The following DLG2 variants were observed in gnomAD, a reference collection of about 807,000 sequenced individuals.
DLG2 encodes discs large MAGUK scaffold protein 2.
DLG2 carries 45 observed loss-of-function variants against 132.5 expected under a neutral mutation model. The ratio of observed to expected loss-of-function variants is 0.34; its 90% CI spans 0.27 to 0.44. The LOEUF (loss-of-function observed/expected upper bound fraction) is 0.44, where lower values mean the gene tolerates loss of function less well. DLG2 is among the 20% of genes least tolerant of loss of function. The pLI is 1.00. For missense variants in DLG2, 1,045 were observed against 1,196.9 expected (o/e 0.87, Z 1.87); for synonymous variants, 424 against 419.6 (o/e 1.01, Z -0.13).
rs1215742276 is a variant in DLG2, at chr11:83,787,321, TTG to T, written c.1723-531_1723-530del. On this transcript the variant is annotated intron_variant, in intron 17 of 27. Transcript: ENST00000376104. ...GACAGCCTTAAGCCTTGTTTTTTTT[TTG>T]TTTTTTTTTTTTTTTTTAGACAGAG... is the stretch of plus-strand genomic sequence containing the variant. 5.5e-4 allele frequency among the ~76,000 whole-genome samples: 52 copies of T among 93,718 alleles called. 12 individuals carry two copies. Among genetic ancestry groups the T allele is most frequent in the African/African-American group, 7.1e-4 (12 of 16,990 alleles). 61.5% of individuals were successfully genotyped at this position (93,718 alleles called of 152,430 possible).
intron 3 of DLG2, among the ~76,000 whole-genome samples, chr11:85,391,258 A>G (rs1420569284): frequency 6.6e-6 from 1 of 152,120 alleles, no homozygotes; most frequent in Non-Finnish European, 1.5e-5. Flanking sequence ...GAAACTCTGA[A>G]CAGGCCAATA....
intron 7 of DLG2, among the ~76,000 whole-genome samples, chr11:84,528,936 C>G (rs2099328856): frequency 6.6e-6 from 1 of 152,198 alleles, no homozygotes; most frequent in Non-Finnish European, 1.5e-5. Context: ...CTCACTCGTA[C>G]TAGCTCATGA....
chr11:84,514,015 T>G (rs1045681257), intron 7 of DLG2, among the ~76,000 whole-genome samples: 1 of 151,974 alleles, frequency 6.6e-6, no homozygotes, highest in South Asian at 2.1e-4. Flanking sequence ...ATAATCTTAT[T>G]TAAAAATTGG....
At chr11:85,303,681 G>C (rs1467791351) in intron 3 of DLG2, among the ~76,000 whole-genome samples, 1 of 152,176 alleles carries the variant, frequency 6.6e-6, no homozygotes, top group African/African-American at 2.4e-5. Context: ...TGCGTATGCA[G>C]TATGGGGTGC....
intron 3 of DLG2, among the ~76,000 whole-genome samples, chr11:85,500,555 AT>A (rs1329098364): frequency 4.5e-5 from 2 of 44,484 alleles, no homozygotes; most frequent in Non-Finnish European, 1.3e-4. Context: ...AAAAATAAAA[AT>A]AAAATAAATA....
chr11:84,259,131 G>A (rs958418798), intron 7 of DLG2, among the ~76,000 whole-genome samples: 1 of 151,906 alleles, frequency 6.6e-6, no homozygotes, highest in Non-Finnish European at 1.5e-5. Flanking sequence ...AATTAGCCGG[G>A]CATGGGGGTG....
At chr11:85,496,202 C>T (rs908141429) in intron 3 of DLG2, among the ~76,000 whole-genome samples, 2 of 152,178 alleles carry the variant, frequency 1.3e-5, no homozygotes, top group Non-Finnish European at 2.9e-5. Flanking sequence ...TGCCCAAATA[C>T]TGCACTTTTC....
At chr11:83,673,677 A>C (rs56998976) in intron 18 of DLG2, among the ~76,000 whole-genome samples, 68,449 of 151,920 alleles carry the variant, frequency 0.45, 16,890 homozygotes, top group African/African-American at 0.66. Context: ...CAGTGTCTTG[A>C]ACATTGTGGG....
At chr11:85,108,577 T>C (rs977707129) in intron 6 of DLG2, among the ~76,000 whole-genome samples, 6 of 152,020 alleles carry the variant, frequency 3.9e-5, no homozygotes, top group African/African-American at 7.2e-5. Flanking sequence ...TAAGATGAAT[T>C]AAGGTATTAT....
chr11:83,624,645 T>C (rs1215275323), intron 19 of DLG2, among the ~76,000 whole-genome samples: 1 of 152,210 alleles, frequency 6.6e-6, no homozygotes, highest in African/African-American at 2.4e-5. Flanking sequence ...GCCTCCTTCA[T>C]ACATTCAGTT....
At chr11:85,185,330 C>A (rs1018630322) in intron 4 of DLG2, among the ~76,000 whole-genome samples, 2 of 151,916 alleles carry the variant, frequency 1.3e-5, no homozygotes, top group Non-Finnish European at 2.9e-5. Context: ...GTTATCTTTA[C>A]CTGATTTTGG....
intron 2 of DLG2, among the ~76,000 whole-genome samples, chr11:85,607,204 G>A (rs183175189): frequency 7.2e-5 from 11 of 152,262 alleles, no homozygotes; most frequent in East Asian, 5.8e-4. Context: ...TAGCACAGCC[G>A]CCGGACTAAA....
chr11:85,242,977 C>T (rs928379454), intron 4 of DLG2, among the ~76,000 whole-genome samples: 1 of 151,982 alleles, frequency 6.6e-6, no homozygotes. Flanking sequence ...TGAAGTATAG[C>T]TGCCAATTAC....
intron 8 of DLG2, among the ~76,000 whole-genome samples, chr11:84,247,464 G>C (rs543519935): frequency 3.5e-4 from 53 of 152,130 alleles, no homozygotes; most frequent in Non-Finnish European, 8.8e-5. Context: ...AGAGAGTATT[G>C]AAGTGGAAAA....
chr11:84,373,258 AAAAAAACAAAAC>A (rs1313853613), intron 7 of DLG2, among the ~76,000 whole-genome samples: 2 of 99,136 alleles, frequency 2.0e-5, no homozygotes, highest in African/African-American at 6.6e-5. Flanking sequence ...TCAAAAAAAA[AAAAAAACAAAAC>A]AAAAAAAAAA....
At chr11:83,763,577 C>T (rs1248047756) in intron 18 of DLG2, among the ~76,000 whole-genome samples, 1 of 152,116 alleles carries the variant, frequency 6.6e-6, no homozygotes, top group Non-Finnish European at 1.5e-5. Context: ...ATGTGAGTTG[C>T]AAGGAAAATG....
intron 3 of DLG2, among the ~76,000 whole-genome samples, chr11:85,458,468 G>C (rs1470129839): frequency 2.0e-5 from 3 of 152,158 alleles, no homozygotes; most frequent in African/African-American, 7.2e-5. Flanking sequence ...AAGAATACCT[G>C]CTGGGGAACT....
intron 6 of DLG2, among the ~76,000 whole-genome samples, chr11:84,781,181 G>GTT (rs1051682051): frequency 6.6e-6 from 1 of 151,926 alleles, no homozygotes; most frequent in African/African-American, 2.4e-5. Context: ...TCTTTTGAAT[G>GTT]TAAGTTAGTG....
chr11:84,746,632 A>G (rs556423522), intron 6 of DLG2, among the ~76,000 whole-genome samples: 56 of 152,350 alleles, frequency 3.7e-4, no homozygotes, highest in African/African-American at 1.3e-3. Flanking sequence ...AATGTTATAT[A>G]TGCAAAAGGA....
Sources: allele counts gnomAD v4.1 joint callset (sites outside exome capture counted in the v4.1 genomes callset), GRCh38; gene constraint gnomAD v4.1.1; transcripts MANE v1.5; gene names NCBI Gene and HGNC (gene_info 2026-07-23, HGNC 2026-07-21).